ALG14: variants seen among roughly 807,000 people sequenced by gnomAD.
The protein encoded by ALG14 is UDP-N-acetylglucosamine transferase subunit ALG14.
ALG14 carries 17 observed loss-of-function variants against 22.8 expected under a neutral mutation model. That is an observed-to-expected ratio of 0.75 (90% CI 0.51 to 1.12). ALG14 has a LOEUF of 1.12. Among genes scored for constraint, ALG14 ranks in the 50% most tolerant of loss-of-function variants. The pLI is 0.00. For synonymous variants in ALG14, 89 were observed against 103.7 expected (o/e 0.86, Z 0.86); for missense variants, 288 against 271.8 (o/e 1.06, Z -0.42).
intron 1 of ALG14, among the ~76,000 whole-genome samples, chr1:95,068,352 T>C (rs1675445931): frequency 6.6e-6 from 1 of 152,212 alleles, no homozygotes; most frequent in South Asian, 2.1e-4. Flanking sequence ...CCAGGCGTGA[T>C]CTCGGCTCAC....
At chr1:95,054,867 G>C (rs556766792) in intron 2 of ALG14, among the ~76,000 whole-genome samples, 16 of 152,198 alleles carry the variant, frequency 1.1e-4, no homozygotes, top group African/African-American at 3.6e-4. Flanking sequence ...GCATGAGAAA[G>C]GAAAAGTACA....
chr1:95,071,255 G>A lies in ALG14; in HGVS notation c.136+1508C>T, dbSNP rs549346787. 2.0e-5 allele frequency among the ~76,000 whole-genome samples: 3 copies of A among 152,266 alleles called. No individual in the cohort carries two copies. The East Asian group carries it at 5.8e-4, about 29-fold the overall frequency. On this transcript the variant is annotated intron_variant, in intron 1 of 3. Transcript: ENST00000370205. ...GGAGTAGCAGCAATTGCTTTATAAA[G>A]CAGGATTTTAGGCCAGGGGTGGCTC...
chr1:95,072,673 G>T, intron 1 of ALG14, 90 bp downstream of exon 1: 1 of 1,532,860 alleles, frequency 6.5e-7, no homozygotes, highest in Non-Finnish European at 8.9e-7. Context: ...ACTCCAAGAA[G>T]TGCTAAGGGT....
chr1:95,072,947 A>G lies in ALG14; in HGVS notation c.-49T>C. 1 of 1,610,348 alleles carries G rather than the reference A, an allele frequency of 6.2e-7. No homozygotes were observed. Among genetic ancestry groups the G allele is most frequent in the South Asian group, 1.1e-5 (1 of 90,908 alleles). The stretch of plus-strand genomic sequence containing the variant: ...AACTTCCGGGGACCAGCCGCTGTCA[A>G]AGTTCACAACTACGGGTGCCGAAGC... On this transcript the variant is annotated 5_prime_UTR_variant, in exon 1 of 4. Coordinates refer to ENST00000370205, the MANE Select transcript of ALG14 (RefSeq NM_144988.4).
At chr1:95,069,308 TAAAAAC>T (rs1675481327) in intron 1 of ALG14, among the ~76,000 whole-genome samples, 2 of 152,160 alleles carry the variant, frequency 1.3e-5, no homozygotes. Flanking sequence ...GAGTCTGTCT[TAAAAAC>T]AAAAACCAAA....
intron 3 of ALG14, among the ~76,000 whole-genome samples, chr1:95,005,633 GA>G (rs1421966609): frequency 6.6e-6 from 1 of 152,168 alleles, no homozygotes; most frequent in Non-Finnish European, 1.5e-5. Context: ...TTCTTTACTT[GA>G]AGAAACATTG....
intron 1 of ALG14, among the ~76,000 whole-genome samples, chr1:95,071,686 G>A (rs1365734312): frequency 1.3e-5 from 2 of 151,984 alleles, no homozygotes; most frequent in Non-Finnish European, 2.9e-5. Flanking sequence ...CCCAGCCCTC[G>A]AAACCCTGGC....
At chr1:95,031,658 C>T (rs1002421034) in intron 2 of ALG14, among the ~76,000 whole-genome samples, 1 of 152,108 alleles carries the variant, frequency 6.6e-6, no homozygotes, top group East Asian at 1.9e-4. Context: ...CCATCCTCCC[C>T]TCTCCCCATC....
chr1:95,004,504 G>A (rs1392144914), intron 3 of ALG14, among the ~76,000 whole-genome samples: 6 of 151,850 alleles, frequency 4.0e-5, no homozygotes, highest in African/African-American at 1.5e-4. Context: ...TTACAGGTGT[G>A]AGCCACTGTG....
Position 94,982,883 on chromosome 1 carries a change from T to A in ALG14, c.*193A>T. The A allele has an allele frequency of 8.7e-6, 5 of 577,044 alleles. No individual in the cohort carries two copies. Among genetic ancestry groups the A allele is most frequent in the Non-Finnish European group, 1.5e-5 (5 of 328,330 alleles). 35.7% of individuals were successfully genotyped at this position (577,044 alleles called of 1,614,324 possible). On this transcript the variant is annotated 3_prime_UTR_variant, in exon 4 of 4. Transcript: ENST00000370205. ...GAGGCATAAACATTTAGTAGTTACG[T>A]TTATCAATGTTTGTTTCATAAGAGA... is the stretch of plus-strand genomic sequence containing the variant.
chr1:95,029,184 A>C (rs998634495), intron 2 of ALG14, among the ~76,000 whole-genome samples: 2 of 142,828 alleles, frequency 1.4e-5, no homozygotes, highest in Non-Finnish European at 3.0e-5. Context: ...GGGCAGGAGA[A>C]TCCACTTCCA....
At chr1:94,992,488 G>A (rs1209723776) in intron 3 of ALG14, among the ~76,000 whole-genome samples, 4 of 152,136 alleles carry the variant, frequency 2.6e-5, no homozygotes, top group African/African-American at 9.7e-5. Context: ...GCAAGAGGCA[G>A]TAAAGAGGAT....
At position 95,008,827 on chromosome 1, in the gene ALG14, C is replaced by T. The variant is rs1673287233; in HGVS notation, c.420+18302G>A. Among the ~76,000 whole-genome samples, 4 of 152,066 alleles carry T rather than the reference C, an allele frequency of 2.6e-5. No individual in the cohort carries two copies. In the South Asian group the frequency reaches 8.3e-4, roughly 32 times the overall value. On this transcript the variant is annotated intron_variant, in intron 3 of 3. Transcript: ENST00000370205. Reference sequence around the variant, plus strand: ...TCCCTTAACCAATAATTTCCCATTTCCCCCCTTCTTCAGCCCCTGGTAATG... The same window carrying T: ...TCCCTTAACCAATAATTTCCCATTTTCCCCCTTCTTCAGCCCCTGGTAATG...
chr1:94,992,272 T>A (rs2100721990), intron 3 of ALG14, among the ~76,000 whole-genome samples: 1 of 152,292 alleles, frequency 6.6e-6, no homozygotes, highest in African/African-American at 2.4e-5. Flanking sequence ...CATTAGGACA[T>A]CTATGATGTC....
chr1:95,049,878 T>A (rs1180013081), intron 2 of ALG14, among the ~76,000 whole-genome samples: 1 of 152,020 alleles, frequency 6.6e-6, no homozygotes, highest in Admixed American at 6.6e-5. Context: ...CCCAAAAAAA[T>A]AAAATAAAAT....
chr1:95,054,475 GC>G (rs66669347), intron 2 of ALG14, among the ~76,000 whole-genome samples: 52,886 of 152,034 alleles, frequency 0.35, 10,509 homozygotes, highest in Middle Eastern at 0.45. Context: ...TGTATAGCTT[GC>G]AGAACTGTGA....
At chr1:95,065,669 T>G (rs941598372) in intron 1 of ALG14, among the ~76,000 whole-genome samples, 16 of 152,214 alleles carry the variant, frequency 1.1e-4, no homozygotes, top group Non-Finnish European at 8.8e-5. Context: ...GAAGGGGGCA[T>G]GAGCGCTGAT....
In ALG14 at chr1:95,034,408, C is replaced by T. The variant is rs527277681; in HGVS notation, c.289-7148G>A. Among the ~76,000 whole-genome samples the T allele has an allele frequency of 1.2e-4, 18 of 152,328 alleles. No individual in the cohort carries two copies. In the East Asian group the frequency reaches 2.5e-3, roughly 21 times the overall value. On this transcript the variant is annotated intron_variant, in intron 2 of 3. Coordinates refer to ENST00000370205, the MANE Select transcript of ALG14 (RefSeq NM_144988.4). ...TACGATCCCACTGCCTGATGTTTTG[C>T]ACATCATGGGTACTCAGTAAATAAC...
intron 1 of ALG14, among the ~76,000 whole-genome samples, chr1:95,066,651 AC>A (rs1448431919): frequency 6.6e-6 from 1 of 152,116 alleles, no homozygotes; most frequent in African/African-American, 2.4e-5. Context: ...TAGCTTTATA[AC>A]CTGTCACCCA....
Sources: gnomAD v4.1 joint callset for allele counts (sites outside exome capture counted in the v4.1 genomes callset) on GRCh38, gnomAD v4.1.1 for gene constraint, MANE v1.5 for transcripts, NCBI Gene and HGNC (gene_info 2026-07-23, HGNC 2026-07-21) for gene names.